Variants in RANBP2 observed in about 807,000 individuals in gnomAD.
RANBP2 encodes the protein E3 SUMO-protein ligase RanBP2.
In RANBP2, 57 loss-of-function variants were observed where a neutral mutation model predicts 303.6. The ratio of observed to expected loss-of-function variants is 0.19; its 90% CI spans 0.15 to 0.23. RANBP2 has a LOEUF of 0.23. Among genes scored for constraint, RANBP2 ranks in the 10% least tolerant of loss-of-function variants. The pLI is 1.00. For missense variants in RANBP2, 3,138 were observed against 3,780.8 expected (o/e 0.83, Z 4.46); for synonymous variants, 1,167 against 1,301.5 (o/e 0.90, Z 2.23).
chr2:109,646,710 T>C, the RANBP2 span, among the ~76,000 whole-genome samples: 1 of 150,892 alleles, frequency 6.6e-6, no homozygotes, highest in East Asian at 1.9e-4. Flanking sequence ...TTCACCATGT[T>C]GGCCAGGCTG....
At chr2:108,848,317 T>C in the RANBP2 span, among the ~76,000 whole-genome samples, 1 of 152,174 alleles carries the variant, frequency 6.6e-6, no homozygotes. Context: ...TCACCACTTG[T>C]GTGCAGCAGT....
the RANBP2 span, among the ~76,000 whole-genome samples, chr2:109,083,077 C>T: frequency 1.2e-3 from 188 of 151,832 alleles, 1 homozygote; most frequent in African/African-American, 4.2e-3. Flanking sequence ...CCACCTGCCT[C>T]GGCCTCCCAA....
chr2:109,773,361 CG>C, the RANBP2 span, among the ~76,000 whole-genome samples: 1 of 133,696 alleles, frequency 7.5e-6, no homozygotes, highest in Admixed American at 7.6e-5. Context: ...GGCGGCTATG[CG>C]TGTTCCCACT....
At chr2:109,100,551 C>G in the RANBP2 span, among the ~76,000 whole-genome samples, 1 of 152,150 alleles carries the variant, frequency 6.6e-6, no homozygotes, top group African/African-American at 2.4e-5. Context: ...AGGAAGGAAA[C>G]AGGGGCTCTA....
the RANBP2 span, chr2:109,552,961 G>C: frequency 9.3e-7 from 1 of 1,075,896 alleles, no homozygotes; most frequent in East Asian, 2.4e-5. Flanking sequence ...CTATGTGTTG[G>C]AAAAGCTACT....
At chr2:108,913,773 AC>A in the RANBP2 span, among the ~76,000 whole-genome samples, 1 of 151,786 alleles carries the variant, frequency 6.6e-6, no homozygotes, top group Admixed American at 6.6e-5. Context: ...ACACAGGGAA[AC>A]CCCGTCTCTA....
chr2:108,884,546 G>A, the RANBP2 span: 2 of 152,176 alleles, frequency 1.3e-5, no homozygotes, highest in Non-Finnish European at 2.9e-5. Context: ...TCTTTGTTTT[G>A]TTTTTGCTTG....
the RANBP2 span, among the ~76,000 whole-genome samples, chr2:109,028,845 A>T: frequency 2.0e-5 from 3 of 152,208 alleles, no homozygotes; most frequent in Non-Finnish European, 4.4e-5. Context: ...CACTCTCAGG[A>T]TCTGTGTGGC....
chr2:109,731,998 A>G, the RANBP2 span, among the ~76,000 whole-genome samples: 28 of 152,002 alleles, frequency 1.8e-4, no homozygotes, highest in East Asian at 5.1e-3. Context: ...ACAGGCTCAC[A>G]CCACCATGCC....
At chr2:108,859,636 C>G in the RANBP2 span, among the ~76,000 whole-genome samples, 2 of 152,108 alleles carry the variant, frequency 1.3e-5, no homozygotes, top group South Asian at 4.1e-4. Flanking sequence ...ATTTCAGTTT[C>G]TCTATTCTGT....
the RANBP2 span, among the ~76,000 whole-genome samples, chr2:109,412,815 T>C: frequency 3.9e-5 from 6 of 152,248 alleles, no homozygotes; most frequent in Non-Finnish European, 7.3e-5. Context: ...AGCAAAGTTA[T>C]GGTTTGGTAT....
the RANBP2 span, among the ~76,000 whole-genome samples, chr2:109,203,981 T>G: frequency 6.6e-6 from 1 of 152,354 alleles, no homozygotes; most frequent in South Asian, 2.1e-4. Context: ...GTGAAGCATT[T>G]GTGGGCTTGA....
At chr2:108,931,016 C>A in the RANBP2 span, 1 of 1,614,048 alleles carries the variant, frequency 6.2e-7, no homozygotes, top group South Asian at 1.1e-5. Context: ...ATGGGCCATC[C>A]TCTCCCAAGG....
At chr2:108,852,804 A>G in the RANBP2 span, among the ~76,000 whole-genome samples, 1 of 152,188 alleles carries the variant, frequency 6.6e-6, no homozygotes, top group Non-Finnish European at 1.5e-5. Context: ...ACTAGTCTTA[A>G]TACCTGGGTG....
the RANBP2 span, among the ~76,000 whole-genome samples, chr2:108,968,196 C>T: frequency 6.6e-6 from 1 of 152,136 alleles, no homozygotes; most frequent in Non-Finnish European, 1.5e-5. Flanking sequence ...GTGGGGTCCA[C>T]ATACCAGCTG....
the RANBP2 span, among the ~76,000 whole-genome samples, chr2:109,466,543 C>T: frequency 6.6e-6 from 1 of 152,160 alleles, no homozygotes; most frequent in Non-Finnish European, 1.5e-5. Flanking sequence ...TTCTCATTCT[C>T]TTGACAGTAT....
the RANBP2 span, among the ~76,000 whole-genome samples, chr2:109,498,238 T>C: frequency 6.6e-6 from 1 of 152,180 alleles, no homozygotes; most frequent in South Asian, 2.1e-4. Flanking sequence ...CGTGCACCCG[T>C]AGATGCTCTG....
chr2:109,014,850 G>A, the RANBP2 span, among the ~76,000 whole-genome samples: 2 of 152,142 alleles, frequency 1.3e-5, no homozygotes, highest in Admixed American at 6.5e-5. Context: ...GGCTGGGCGC[G>A]GTGGCTCACG....
At chr2:109,165,769 C>T in the RANBP2 span, among the ~76,000 whole-genome samples, 2 of 152,170 alleles carry the variant, frequency 1.3e-5, no homozygotes, top group East Asian at 1.9e-4. Context: ...TTTTTAGTTA[C>T]TTAAGAATCA....
Sources: allele counts gnomAD v4.1 joint callset (sites outside exome capture counted in the v4.1 genomes callset), GRCh38; gene constraint gnomAD v4.1.1; transcripts MANE v1.5; gene names NCBI Gene and HGNC (gene_info 2026-07-23, HGNC 2026-07-21).